The following RPL29 variants were observed in gnomAD, a reference collection of about 807,000 sequenced individuals.
The protein encoded by RPL29 is ribosomal protein L29, also known as large ribosomal subunit protein eL29.
A neutral mutation model predicts 7.2 loss-of-function variants in RPL29; 4 were observed. That is an observed-to-expected ratio of 0.55 (90% CI 0.27 to 1.26). The LOEUF (loss-of-function observed/expected upper bound fraction) is 1.26. Ranked by LOEUF, RPL29 falls within the 50% of genes most tolerant of loss-of-function variation. The pLI, the probability that RPL29 is intolerant of heterozygous loss-of-function variation, is 0.11. For synonymous variants in RPL29, 73 were observed against 72.8 expected (o/e 1.00, Z -0.01); for missense variants, 148 against 209.1 (o/e 0.71, Z 1.80).
rs767719701 is a variant in RPL29, at chr3:51,993,768, G to A, written c.461C>T (p.Pro154Leu). 1.9e-6 allele frequency: 3 copies of A among 1,593,760 alleles called. No individual in the cohort carries two copies. In the Admixed American group the frequency reaches 5.0e-5, roughly 27 times the overall value. The change falls in exon 4 of 4, where the codon CCT becomes CTT. Residue 154 changes from proline (P) to leucine (L), a missense_variant. Pro to Leu is a moderately conservative substitution (Grantham distance 98). Coordinates refer to ENST00000294189, the MANE Select transcript of RPL29 (RefSeq NM_000992.3). ...PAQAPKRTQAPTKASE is the reference protein window; with the variant it reads ...PAQAPKRTQALTKASE ...AGATATCTACTCTGAAGCCTTTGTA[G>A]GGGCCTGGGTACGTTTGGGAGCCTG... is the stretch of plus-strand genomic sequence containing the variant.
intron 2 of RPL29, 41 bp downstream of exon 2, chr3:51,995,384 T>C: frequency 6.2e-7 from 1 of 1,611,420 alleles, no homozygotes; most frequent in South Asian, 1.1e-5. Context: ...GAACCAGTCC[T>C]TGCCAGGGTC....
chr3:51,994,437 C>G (rs1249807009), intron 3 of RPL29: 2 of 377,298 alleles, frequency 5.3e-6, no homozygotes, highest in Non-Finnish European at 9.6e-6. Context: ...TTCCTGACAT[C>G]CCCTCAGGGA....
chr3:51,994,726 A>T lies in RPL29; in HGVS notation c.102+316T>A. On this transcript the variant is annotated intron_variant, in intron 3 of 3. Coordinates refer to ENST00000294189, the MANE Select transcript of RPL29 (RefSeq NM_000992.3). ...TCAGATGGAGGTCATAAGGCTGGTCAGTGTGGGAATGTGCCCTGCACGCAC... is the reference window on the plus strand; with the variant it reads ...TCAGATGGAGGTCATAAGGCTGGTCTGTGTGGGAATGTGCCCTGCACGCAC... The T allele has an allele frequency of 1.2e-5, 8 of 658,916 alleles. No individual in the cohort carries two copies. In the South Asian group the frequency reaches 1.3e-4, roughly 11 times the overall value. The allele number at this position is 658,916 out of a possible 1,614,324, so 40.8% of individuals were successfully genotyped here. A position where few individuals can be genotyped will look rare whatever the true frequency, so the allele number is the denominator to read the frequency against.
At chr3:51,995,491 CAGGGTTA>C (rs766888242) in intron 1 of RPL29, 22 bp from the exon 2 acceptor site, 2 of 1,613,248 alleles carry the variant, frequency 1.2e-6, no homozygotes, top group Non-Finnish European at 8.5e-7. Context: ...AAGTGGAGAT[CAGGGTTA>C]AGGGCTCGCC....
chr3:51,994,994 G>A (rs1701296378), intron 3 of RPL29, 48 bp downstream of exon 3: 1 of 1,513,738 alleles, frequency 6.6e-7, no homozygotes, highest in Non-Finnish European at 9.2e-7. Flanking sequence ...CCTTGACTGT[G>A]CACCTGGAAC....
intron 2 of RPL29, 148 bp downstream of exon 2, chr3:51,995,277 T>C: frequency 1.9e-6 from 2 of 1,029,206 alleles, no homozygotes; most frequent in Non-Finnish European, 3.0e-6. Flanking sequence ...CAAGTAGATC[T>C]CTAAACCTAT....
rs1445024596 is a variant in RPL29, at chr3:51,995,886, A to T, written c.-38T>A. ...AGCCGCGGCTCCCGAAGCGCCTAGAACCGGAAGAGAAAGGGGCTGCGGTGC... is the reference window on the plus strand; with the variant it reads ...AGCCGCGGCTCCCGAAGCGCCTAGATCCGGAAGAGAAAGGGGCTGCGGTGC... On this transcript the variant is annotated 5_prime_UTR_variant, in exon 1 of 4. Coordinates refer to ENST00000294189, the MANE Select transcript of RPL29 (RefSeq NM_000992.3). 1.4e-5 allele frequency: 3 copies of T among 207,290 alleles called. No individual in the cohort carries two copies. Among genetic ancestry groups the T allele is most frequent in the South Asian group, 6.9e-5 (1 of 14,480 alleles). 12.8% of individuals were successfully genotyped at this position (207,290 alleles called of 1,614,324 possible). A position where few individuals can be genotyped will look rare whatever the true frequency, so the allele number is the denominator to read the frequency against.
intron 3 of RPL29, chr3:51,994,653 G>A (rs933455945): frequency 1.8e-6 from 1 of 565,386 alleles, no homozygotes; most frequent in Admixed American, 3.0e-5. Flanking sequence ...CTAATCCTTA[G>A]AACCCCCTGA....
intron 3 of RPL29, 50 bp downstream of exon 3, chr3:51,994,992 G>T: frequency 6.6e-7 from 1 of 1,509,414 alleles, no homozygotes; most frequent in Non-Finnish European, 9.2e-7. Context: ...GGCCTTGACT[G>T]TGCACCTGGA....
rs2106852076 is a variant in RPL29, at chr3:51,993,524, C to T, written c.*225G>A. 1 of 515,948 alleles carries T rather than the reference C, an allele frequency of 1.9e-6. No individual in the cohort carries two copies. The highest frequency in any genetic ancestry group is 3.0e-5 in the East Asian group (1 of 33,654). 32.0% of individuals were successfully genotyped at this position (515,948 alleles called of 1,614,324 possible). On this transcript the variant is annotated 3_prime_UTR_variant, in exon 4 of 4. Coordinates refer to ENST00000294189, the MANE Select transcript of RPL29 (RefSeq NM_000992.3). ...CCTCTTGCACTTCAGGGCCCCATCT[C>T]CTGACTCCCACCCACACCCCACCAT...
At chr3:51,994,683 C>T in intron 3 of RPL29, 1 of 599,482 alleles carries the variant, frequency 1.7e-6, no homozygotes, top group Admixed American at 2.8e-5. Flanking sequence ...AGAAGCTGAC[C>T]CCAACTCCAG....
Position 51,994,016 on chromosome 3 carries a change from A to T in RPL29, c.213T>A (p.Ala71=). The change falls in exon 4 of 4, where the codon GCT becomes GCA. Residue 71 remains alanine, a synonymous_variant. Coordinates refer to ENST00000294189, the MANE Select transcript of RPL29 (RefSeq NM_000992.3). Reference sequence around the variant, plus strand: ...CCTTGGGCTTTACGAGGGCCTTGATAGCCTCGGCACGTGCACTCATGGCCT... The same window carrying T: ...CCTTGGGCTTTACGAGGGCCTTGATTGCCTCGGCACGTGCACTCATGGCCT... ...NAKAMSARAE[A]IKALVKPKEV... is the part of the protein sequence containing the mutation. 1 of 1,598,934 alleles carries T rather than the reference A, an allele frequency of 6.3e-7. No homozygotes were observed. The highest frequency in any genetic ancestry group is 8.5e-7 in the Non-Finnish European group (1 of 1,179,634).
In RPL29 at chr3:51,995,864, C is replaced by G. The variant is rs569855329; in HGVS notation, c.-16G>C. ...CGCGCGGCCAACACTCACCATAAGC[C>G]GCGGCTCCCGAAGCGCCTAGAACCG... On this transcript the variant is annotated 5_prime_UTR_variant, in exon 1 of 4. Transcript: ENST00000294189. 1 of 230,780 alleles carries G rather than the reference C, an allele frequency of 4.3e-6. No homozygotes were observed. Among genetic ancestry groups the G allele is most frequent in the African/African-American group, 2.3e-5 (1 of 43,880 alleles). The allele number at this position is 230,780 out of a possible 1,614,324, so 14.3% of individuals were successfully genotyped here.
chr3:51,994,078 T>G lies in RPL29; in HGVS notation c.151A>C (p.Lys51Gln). The stretch of plus-strand genomic sequence containing the variant: ...GCCTGCATCTTCTTTAGGCCCTTTT[T>G]GTTGTGCTTCTTGGCAAAGCGCATG... ...RNMRFAKKHN[K>Q]KGLKKMQANN... Residue 51 changes from lysine (K) to glutamine (Q), a missense_variant, in exon 4 of 4, where the codon AAA (lysine) becomes CAA (glutamine). Coordinates refer to ENST00000294189, the MANE Select transcript of RPL29 (RefSeq NM_000992.3). The G allele has an allele frequency of 1.9e-6, 3 of 1,604,272 alleles. No individual in the cohort carries two copies. The highest frequency in any genetic ancestry group is 2.5e-6 in the Non-Finnish European group (3 of 1,177,744).
Position 51,993,577 on chromosome 3 carries a change from CAGAT to C in RPL29, c.*168_*171del. The C allele has an allele frequency of 1.5e-6, 1 of 688,804 alleles. No individual in the cohort carries two copies. The highest frequency in any genetic ancestry group is 2.4e-6 in the Non-Finnish European group (1 of 418,992). 42.7% of individuals were successfully genotyped at this position (688,804 alleles called of 1,614,324 possible). On this transcript the variant is annotated 3_prime_UTR_variant, in exon 4 of 4. Coordinates refer to ENST00000294189, the MANE Select transcript of RPL29 (RefSeq NM_000992.3). ...AGACCCATGTCTTCTCCCACACCAA[CAGAT>C]GGAGCAACCAAACCCATCCCCAGGA...
rs150683383 is a variant in RPL29 at position 51,995,791 on chromosome 3, C to T, written c.-9+66G>A. On this transcript the variant is annotated intron_variant, in intron 1 of 3. Transcript: ENST00000294189. Reference sequence around the variant, plus strand: ...CACGGTCGGTCACCAGTCCTCTCCGCAGCCCGCGCCCCGCCGCCACCCGTA... The same window carrying T: ...CACGGTCGGTCACCAGTCCTCTCCGTAGCCCGCGCCCCGCCGCCACCCGTA... The T allele has an allele frequency of 5.5e-3, 1,946 of 352,888 alleles. 52 individuals carry two copies. Among genetic ancestry groups the T allele is most frequent in the African/African-American group, 0.038 (1,823 of 47,590 alleles). 21.9% of individuals were successfully genotyped at this position (352,888 alleles called of 1,614,324 possible).
Position 51,993,779 on chromosome 3 carries a change from A to G in RPL29, c.450T>C (p.Arg150=). Residue 150 remains arginine (R), a synonymous_variant, in exon 4 of 4, where the codon CGT becomes CGC. Transcript: ENST00000294189. ...CTGAAGCCTTTGTAGGGGCCTGGGT[A>G]CGTTTGGGAGCCTGAGCTGGAACTG... is the stretch of plus-strand genomic sequence containing the variant. The part of the protein sequence containing the change: ...PASVPAQAPK[R]TQAPTKASE 6.3e-7 allele frequency: 1 copy of G among 1,595,794 alleles called. No individual in the cohort carries two copies. The highest frequency in any genetic ancestry group is 1.1e-5 in the South Asian group (1 of 90,888).
At chr3:51,994,973 T>C (rs1701295905) in intron 3 of RPL29, 69 bp downstream of exon 3, 1 of 1,386,164 alleles carries the variant, frequency 7.2e-7, no homozygotes, top group Non-Finnish European at 1.0e-6. Flanking sequence ...AGAGAAAAAC[T>C]ACATGAGAGG....
chr3:51,994,894 T>C, intron 3 of RPL29, 148 bp downstream of exon 3: 3 of 797,528 alleles, frequency 3.8e-6, no homozygotes, highest in Non-Finnish European at 6.9e-6. Flanking sequence ...ATGGGTCTGG[T>C]AGGGTAGAAA....
Sources: allele counts gnomAD v4.1 joint callset, GRCh38; gene constraint gnomAD v4.1.1; transcripts MANE v1.5; gene names NCBI Gene and HGNC (gene_info 2026-07-23, HGNC 2026-07-21).